The following CNTNAP2 variants were observed in gnomAD, a reference collection of about 807,000 sequenced individuals.
CNTNAP2 encodes the protein contactin associated protein 2, also known as contactin-associated protein-like 2.
CNTNAP2 carries 98 observed loss-of-function variants against 155.2 expected under a neutral mutation model. The ratio of observed to expected loss-of-function variants is 0.63; its 90% CI spans 0.54 to 0.75. The LOEUF (loss-of-function observed/expected upper bound fraction) is 0.75. CNTNAP2 is among the 30% of genes least tolerant of loss of function. The pLI, the probability that CNTNAP2 is intolerant of heterozygous loss-of-function variation, is 0.00. For missense variants in CNTNAP2, 1,727 were observed against 1,688.1 expected, an observed-to-expected ratio of 1.02 and a Z score of -0.40; for synonymous variants, 651 against 631.2, an observed-to-expected ratio of 1.03 and a Z score of -0.47.
intron 1 of CNTNAP2, among the ~76,000 whole-genome samples, chr7:146,241,224 G>C (rs1322359538): frequency 6.6e-6 from 1 of 152,100 alleles, no homozygotes; most frequent in East Asian, 1.9e-4. Context: ...TACATCAGGA[G>C]GTAAGGCATT....
intron 10 of CNTNAP2, among the ~76,000 whole-genome samples, chr7:147,425,444 T>A (rs561919617): frequency 6.6e-6 from 1 of 151,544 alleles, no homozygotes; most frequent in African/African-American, 2.4e-5. Flanking sequence ...TTATTTTTTT[T>A]AAATCCTGTA....
intron 22 of CNTNAP2, among the ~76,000 whole-genome samples, chr7:148,405,828 A>G: frequency 6.6e-6 from 1 of 150,688 alleles, no homozygotes; most frequent in East Asian, 2.0e-4. Flanking sequence ...GTTGGCCAGG[A>G]TGGTCTCGAT....
rs112262280 is a variant in CNTNAP2 at position 147,197,241 on chromosome 7, A to G, written c.1348+64732A>G. Reference sequence around the variant, plus strand: ...GGCCACTACTTCATTTACGTAGGGTATACACCAAGTAACCAATGGAAAAAC... The same window carrying G: ...GGCCACTACTTCATTTACGTAGGGTGTACACCAAGTAACCAATGGAAAAAC... On this transcript the variant is annotated intron_variant, in intron 8 of 23. Coordinates refer to ENST00000361727, the MANE Select transcript of CNTNAP2 (RefSeq NM_014141.6). Among the ~76,000 whole-genome samples the G allele has an allele frequency of 8.8e-3, 1,346 of 152,208 alleles. 19 individuals are homozygous for G. The highest frequency in any genetic ancestry group is 0.031 in the African/African-American group (1,294 of 41,554).
intron 18 of CNTNAP2, among the ~76,000 whole-genome samples, chr7:148,183,043 A>G (rs1233004499): frequency 6.6e-6 from 1 of 152,236 alleles, no homozygotes; most frequent in African/African-American, 2.4e-5. Flanking sequence ...ATTCCTTCCT[A>G]TACACTGAGC....
At chr7:146,448,734 C>G (rs1232294448) in intron 1 of CNTNAP2, among the ~76,000 whole-genome samples, 1 of 152,062 alleles carries the variant, frequency 6.6e-6, no homozygotes. Flanking sequence ...TAATGTCGAT[C>G]ACACATAATC....
At chr7:147,888,700 A>T (rs1799637455) in intron 13 of CNTNAP2, among the ~76,000 whole-genome samples, 1 of 105,842 alleles carries the variant, frequency 9.4e-6, no homozygotes, top group African/African-American at 2.7e-5. Flanking sequence ...TGACTTCTTG[A>T]CAATGGAACC....
chr7:148,071,998 T>A (rs1394425228), intron 15 of CNTNAP2, among the ~76,000 whole-genome samples: 1 of 152,224 alleles, frequency 6.6e-6, no homozygotes, highest in African/African-American at 2.4e-5. Context: ...ATTATCTGAC[T>A]AGCGTATTAG....
At chr7:146,250,655 T>C (rs1286046887) in intron 1 of CNTNAP2, among the ~76,000 whole-genome samples, 1 of 152,190 alleles carries the variant, frequency 6.6e-6, no homozygotes, top group Non-Finnish European at 1.5e-5. Flanking sequence ...GATTCTCATA[T>C]GTGTAATTTA....
At chr7:146,717,374 G>A (rs1054786419) in intron 1 of CNTNAP2, among the ~76,000 whole-genome samples, 3 of 150,214 alleles carry the variant, frequency 2.0e-5, no homozygotes, top group East Asian at 2.0e-4. Flanking sequence ...AAAGCCATGT[G>A]TGGTGGTGGG....
chr7:147,198,955 CTTTTTTTTTT>C (rs531893928), intron 8 of CNTNAP2, among the ~76,000 whole-genome samples: 2 of 99,312 alleles, frequency 2.0e-5, no homozygotes, highest in African/African-American at 8.0e-5. Context: ...AATCAAAGGA[CTTTTTTTTTT>C]TTTTTTTTTT....
intron 14 of CNTNAP2, among the ~76,000 whole-genome samples, chr7:147,951,507 G>C (rs1800929368): frequency 6.6e-6 from 1 of 152,178 alleles, no homozygotes; most frequent in Non-Finnish European, 1.5e-5. Flanking sequence ...GACAGAAGCA[G>C]TTATTAATTC....
chr7:146,896,712 A>G (rs566889729), intron 3 of CNTNAP2, among the ~76,000 whole-genome samples: 3 of 152,234 alleles, frequency 2.0e-5, no homozygotes, highest in Admixed American at 6.5e-5. Context: ...GCAAAGTACA[A>G]TAAGAAAATA....
intron 13 of CNTNAP2, among the ~76,000 whole-genome samples, chr7:147,865,564 T>C (rs1799212519): frequency 6.6e-6 from 1 of 152,188 alleles, no homozygotes; most frequent in Non-Finnish European, 1.5e-5. Flanking sequence ...TTCTGGACTT[T>C]TTTTGATTGG....
intron 11 of CNTNAP2, among the ~76,000 whole-genome samples, chr7:147,505,013 T>C (rs1286282971): frequency 2.6e-5 from 4 of 152,100 alleles, no homozygotes; most frequent in African/African-American, 9.6e-5. Flanking sequence ...ACAGGATAAC[T>C]TTTTTCATTT....
intron 3 of CNTNAP2, among the ~76,000 whole-genome samples, chr7:146,940,423 G>A (rs1416801174): frequency 1.3e-5 from 2 of 151,982 alleles, no homozygotes; most frequent in Non-Finnish European, 2.9e-5. Context: ...TTGATCTCCT[G>A]ACCTCGTGAT....
At chr7:147,105,055 A>G (rs1800737849) in intron 4 of CNTNAP2, among the ~76,000 whole-genome samples, 1 of 151,114 alleles carries the variant, frequency 6.6e-6, no homozygotes, top group South Asian at 2.1e-4. Flanking sequence ...ATATTTCTGT[A>G]TTGCTTAATT....
At chr7:147,207,038 C>T (rs538980427) in intron 8 of CNTNAP2, among the ~76,000 whole-genome samples, 4 of 152,228 alleles carry the variant, frequency 2.6e-5, no homozygotes, top group East Asian at 3.9e-4. Context: ...TGAGTTAATA[C>T]ACCTGCCCAC....
intron 16 of CNTNAP2, among the ~76,000 whole-genome samples, chr7:148,126,684 G>T (rs1057416849): frequency 6.6e-6 from 1 of 152,170 alleles, no homozygotes; most frequent in Non-Finnish European, 1.5e-5. Flanking sequence ...GAGGTGAAAT[G>T]GACAGGGAAT....
chr7:147,794,843 G>C (rs1031104550), intron 13 of CNTNAP2, among the ~76,000 whole-genome samples: 5 of 151,180 alleles, frequency 3.3e-5, no homozygotes, highest in Non-Finnish European at 7.4e-5. Flanking sequence ...TTAGGAATTT[G>C]TCCTTTGCAT....
Sources: allele counts gnomAD v4.1 joint callset (sites outside exome capture counted in the v4.1 genomes callset), GRCh38; gene constraint gnomAD v4.1.1; transcripts MANE v1.5; gene names NCBI Gene and HGNC (gene_info 2026-07-23, HGNC 2026-07-21).